Variants in STAG3 observed in about 807,000 individuals in gnomAD.
STAG3 encodes cohesin subunit SA-3.
STAG3 carries 101 observed loss-of-function variants against 160.7 expected under a neutral mutation model. The ratio of observed to expected loss-of-function variants is 0.63; its 90% confidence interval spans 0.54 to 0.74. The LOEUF (loss-of-function observed/expected upper bound fraction) is 0.74. STAG3 is among the 30% of genes least tolerant of loss of function. STAG3 has a pLI of 0.00. For synonymous variants in STAG3, 519 were observed against 585.0 expected (o/e 0.89, Z 1.63); for missense variants, 1,188 against 1,517.4 (o/e 0.78, Z 3.61).
chr7:100,183,158 C>T (rs368586518), intron 4 of STAG3, among the ~76,000 whole-genome samples: 6 of 152,244 alleles, frequency 3.9e-5, no homozygotes, highest in African/African-American at 7.2e-5. Flanking sequence ...GGATTACAGG[C>T]GTGTGCCACC....
chr7:100,217,775 T>A (rs1158339892), downstream of STAG3, among the ~76,000 whole-genome samples: 1 of 152,180 alleles, frequency 6.6e-6, no homozygotes, highest in Non-Finnish European at 1.5e-5. Context: ...ACATCATTAC[T>A]TCTTCTATGC....
At position 100,204,732 on chromosome 7, in the gene STAG3, C is replaced by A. The variant is rs750662486; in HGVS notation, c.2908C>A (p.Pro970Thr). ...LARRFALSFG[P>T]QQLQNRDLVV... Reference sequence around the variant, plus strand: ...CCGGAGGTTTGCCTTGAGTTTTGGACCCCAGCAGCTGCAGAACCGTGACCT... The same window carrying A: ...CCGGAGGTTTGCCTTGAGTTTTGGAACCCAGCAGCTGCAGAACCGTGACCT... Residue 970 changes from proline to threonine, a missense_variant, in exon 27 of 34, where the codon CCC (proline) becomes ACC (threonine). Physicochemically the swap from Pro to Thr is conservative, Grantham distance 38 (BLOSUM62 -1). This residue lies in a region of STAG3 where 647 missense variants were observed against 717.2 expected (regional missense o/e 0.90). Coordinates refer to ENST00000615138, the MANE Select transcript of STAG3 (RefSeq NM_001282717.2). 6.2e-7 allele frequency: 1 copy of A among 1,613,988 alleles called. No homozygotes were observed. The highest frequency in any genetic ancestry group is 2.2e-5 in the East Asian group (1 of 44,872).
At chr7:100,188,665 T>A (rs1034176386) in intron 6 of STAG3, 136 bp downstream of exon 6, 4 of 1,092,480 alleles carry the variant, frequency 3.7e-6, no homozygotes, top group Non-Finnish European at 5.6e-6. Context: ...AAAAGAGATC[T>A]GAATATGCCT....
In STAG3 at chr7:100,197,772, C is replaced by T. The variant is rs900325911; in HGVS notation, c.1066-6C>T. 6.8e-6 allele frequency: 11 copies of T among 1,612,262 alleles called. No individual in the cohort carries two copies. In the African/African-American group the frequency reaches 8.0e-5, roughly 12 times the overall value. ...TTCCATTCTCCTGGTTTTCCCTCCT[C>T]ACCAGCACCGAGAAGTCCGCCTGAA... On this transcript the variant is annotated splice_region_variant and splice_polypyrimidine_tract_variant and intron_variant, in intron 10 of 33. Transcript: ENST00000615138.
At chr7:100,200,188 C>G (rs932867655) in intron 16 of STAG3, 48 bp from the exon 17 acceptor site, 7 of 1,453,328 alleles carry the variant, frequency 4.8e-6, no homozygotes, top group South Asian at 2.4e-5. Context: ...ACCCCCTGCA[C>G]CAGTGTTTCT....
intron 31 of STAG3, 71 bp from the exon 32 acceptor site, chr7:100,211,724 G>A (rs1186938906): frequency 5.8e-6 from 9 of 1,542,124 alleles, no homozygotes; most frequent in Admixed American, 1.7e-5. Context: ...CCCCCACCCC[G>A]GGTGTCTGAG....
intron 8 of STAG3, 135 bp downstream of exon 8, chr7:100,189,731 A>G: frequency 1.0e-6 from 1 of 970,188 alleles, no homozygotes; most frequent in Non-Finnish European, 1.5e-6. Flanking sequence ...TCATAGACCC[A>G]TCCTGTAAGG....
At chr7:100,205,484 C>A in intron 29 of STAG3, 100 bp downstream of exon 29, 1 of 1,218,920 alleles carries the variant, frequency 8.2e-7, no homozygotes. Flanking sequence ...TACTGTCATT[C>A]AGGGTATTAA....
At chr7:100,194,526 C>G (rs1187280300) in intron 8 of STAG3, among the ~76,000 whole-genome samples, 1 of 152,156 alleles carries the variant, frequency 6.6e-6, no homozygotes, top group African/African-American at 2.4e-5. Context: ...ATGGCCCATG[C>G]CTGTAATCCC....
intron 29 of STAG3, among the ~76,000 whole-genome samples, chr7:100,209,885 A>T (rs1802019382): frequency 1.3e-5 from 2 of 152,170 alleles, no homozygotes; most frequent in South Asian, 4.1e-4. Flanking sequence ...GAAGGCAGAG[A>T]GTGAAGATAG....
chr7:100,207,506 ATTTG>A lies in STAG3; in HGVS notation c.3238+2126_3238+2129del, dbSNP rs1303643374. On this transcript the variant is annotated intron_variant, in intron 29 of 33. Coordinates refer to ENST00000615138, the MANE Select transcript of STAG3 (RefSeq NM_001282717.2). This position sits in a 1 kb window ranked among gnomAD's most constrained non-coding sequence, Gnocchi z 4.0. Reference sequence around the variant, plus strand: ...GCATCTTTTCATGTGCTTATTGACAATTTGTTTATCTTCTTTGGAGAAATGCCTG... The same window carrying A: ...GCATCTTTTCATGTGCTTATTGACAATTTATCTTCTTTGGAGAAATGCCTG... Among the ~76,000 whole-genome samples the A allele has an allele frequency of 6.6e-6, 1 of 152,150 alleles. No individual in the cohort carries two copies. The highest frequency in any genetic ancestry group is 2.4e-5 in the African/African-American group (1 of 41,424).
intron 15 of STAG3, 37 bp from the exon 16 acceptor site, chr7:100,199,504 C>T: frequency 6.3e-7 from 1 of 1,578,400 alleles, no homozygotes; most frequent in South Asian, 1.1e-5. Flanking sequence ...GGTGGCTAAT[C>T]TTTGATTCTA....
chr7:100,180,446 A>T (rs529986554), intron 1 of STAG3, 47 bp from the exon 2 acceptor site: 18 of 713,908 alleles, frequency 2.5e-5, no homozygotes, highest in African/African-American at 2.4e-4. Context: ...AGGGCTGGGG[A>T]TGGAGAAGTG....
intron 32 of STAG3, 74 bp downstream of exon 32, chr7:100,211,950 C>G (rs773230986): frequency 2.2e-6 from 3 of 1,385,776 alleles, no homozygotes; most frequent in Non-Finnish European, 3.0e-6. Flanking sequence ...GGGTGTTTCC[C>G]CTCTCTCCGC....
chr7:100,217,253 G>A (rs1242120704), downstream of STAG3, among the ~76,000 whole-genome samples: 2 of 152,180 alleles, frequency 1.3e-5, no homozygotes, highest in Non-Finnish European at 2.9e-5. Context: ...GACAGGCTCA[G>A]CTGTGAAGGG....
At chr7:100,213,124 G>A (rs926672335) in intron 32 of STAG3, 8 of 183,026 alleles carry the variant, frequency 4.4e-5, no homozygotes, top group Admixed American at 1.9e-4. Flanking sequence ...GCTTCTAGTT[G>A]TATCCTCACC....
At chr7:100,196,795 G>A (rs923505449) in intron 9 of STAG3, among the ~76,000 whole-genome samples, 4 of 152,046 alleles carry the variant, frequency 2.6e-5, no homozygotes, top group African/African-American at 7.2e-5. Context: ...GAATTAGGCT[G>A]TACAAGGCTG....
downstream of STAG3, among the ~76,000 whole-genome samples, chr7:100,215,790 T>C (rs1024890077): frequency 5.3e-5 from 8 of 152,152 alleles, no homozygotes; most frequent in African/African-American, 1.9e-4. Context: ...TGGGTCTAGG[T>C]TGTCTCCTCT....
At chr7:100,180,154 C>T (rs1799549733) in intron 1 of STAG3, among the ~76,000 whole-genome samples, 1 of 152,188 alleles carries the variant, frequency 6.6e-6, no homozygotes, top group Non-Finnish European at 1.5e-5. Flanking sequence ...CTCCTGGACT[C>T]AAGCAATCCT....
Sources: allele counts gnomAD v4.1 joint callset (sites outside exome capture counted in the v4.1 genomes callset), GRCh38; gene constraint gnomAD v4.1.1; regional missense constraint gnomAD v4.1.1; non-coding constraint Gnocchi (gnomAD v3.1); transcripts MANE v1.5; gene names NCBI Gene and HGNC (gene_info 2026-07-23, HGNC 2026-07-21).